The following NELL1 variants were observed in gnomAD, a reference collection of about 807,000 sequenced individuals.
The protein encoded by NELL1 is protein kinase C-binding protein NELL1.
A neutral mutation model predicts 107.4 loss-of-function variants in NELL1; 76 were observed. That is an observed-to-expected ratio of 0.71 (90% CI 0.59 to 0.86). NELL1 has a LOEUF of 0.86. Ranked by LOEUF, NELL1 falls within the 40% of genes least tolerant of loss-of-function variation. NELL1 has a pLI of 0.00. For synonymous variants in NELL1, 353 were observed against 341.2 expected (o/e 1.03, Z -0.38); for missense variants, 1,024 against 1,005.5 (o/e 1.02, Z -0.25).
chr11:21,419,566 G>T (rs970224547), intron 15 of NELL1, among the ~76,000 whole-genome samples: 3 of 152,086 alleles, frequency 2.0e-5, no homozygotes, highest in Non-Finnish European at 4.4e-5. Context: ...TGAGGAACAT[G>T]ACACTCTTCT....
chr11:21,278,011 C>A (rs1184379711), intron 14 of NELL1, among the ~76,000 whole-genome samples: 1 of 151,668 alleles, frequency 6.6e-6, no homozygotes, highest in Non-Finnish European at 1.5e-5. Context: ...AACTAACCTG[C>A]ACGTTGTGCA....
At chr11:21,277,792 T>G (rs905870259) in intron 14 of NELL1, among the ~76,000 whole-genome samples, 8 of 152,070 alleles carry the variant, frequency 5.3e-5, no homozygotes, top group African/African-American at 1.9e-4. Context: ...AGCAAACTGT[T>G]GCAAGGACAA....
At chr11:21,019,175 A>G (rs1043394825) in intron 12 of NELL1, among the ~76,000 whole-genome samples, 1 of 152,068 alleles carries the variant, frequency 6.6e-6, no homozygotes, top group Admixed American at 6.6e-5. Context: ...TTTAAATGGA[A>G]ATGATTATAA....
chr11:21,573,105 T>C (rs1334160801), intron 18 of NELL1, 80 bp from the exon 19 acceptor site: 4 of 1,054,386 alleles, frequency 3.8e-6, no homozygotes, highest in Non-Finnish European at 5.8e-6. Context: ...ATTACTGTGC[T>C]CTCTTTCCCC....
chr11:20,677,076 C>T lies in NELL1; in HGVS notation c.56-856C>T, dbSNP rs959913718. On this transcript the variant is annotated intron_variant, in intron 1 of 19. Transcript: ENST00000357134. ...CTCAAACAAGGGAAGAGGAGGCTCA[C>T]GGCTGTATTTCTCTGCATTAAGGTT... Among the ~76,000 whole-genome samples, 8 of 152,150 alleles carry T rather than the reference C, an allele frequency of 5.3e-5. No homozygotes were observed. The East Asian group carries it at 7.7e-4, about 15-fold the overall frequency.
chr11:21,508,412 A>G (rs935758703), intron 15 of NELL1, among the ~76,000 whole-genome samples: 4 of 152,310 alleles, frequency 2.6e-5, no homozygotes, highest in East Asian at 1.9e-4. Flanking sequence ...TGATGCGCAG[A>G]TAAGTATGAG....
chr11:20,762,245 G>A (rs182807106), intron 2 of NELL1, among the ~76,000 whole-genome samples: 3 of 152,152 alleles, frequency 2.0e-5, no homozygotes, highest in African/African-American at 7.2e-5. Flanking sequence ...GGGATTGTGG[G>A]GTATTGCGAG....
intron 13 of NELL1, among the ~76,000 whole-genome samples, chr11:21,184,429 C>T (rs970809318): frequency 1.4e-4 from 21 of 151,744 alleles, no homozygotes; most frequent in African/African-American, 4.9e-4. Flanking sequence ...CCCACCATGA[C>T]CGGCTAAATT....
intron 12 of NELL1, among the ~76,000 whole-genome samples, chr11:20,995,514 G>A (rs1159356127): frequency 6.6e-6 from 1 of 152,034 alleles, no homozygotes; most frequent in Non-Finnish European, 1.5e-5. Context: ...GGAAGCGGAG[G>A]TTACAGTGAG....
intron 15 of NELL1, among the ~76,000 whole-genome samples, chr11:21,511,309 G>T (rs1303259370): frequency 6.6e-6 from 1 of 151,826 alleles, no homozygotes; most frequent in Non-Finnish European, 1.5e-5. Flanking sequence ...TTTCTTATTT[G>T]TACTTTTCCT....
chr11:21,129,749 C>T (rs1318769955), intron 13 of NELL1, among the ~76,000 whole-genome samples: 1 of 152,074 alleles, frequency 6.6e-6, no homozygotes, highest in African/African-American at 2.4e-5. Flanking sequence ...TTGCCACAGG[C>T]TGGAGCAATG....
chr11:21,113,770 C>G, intron 13 of NELL1, 56 bp downstream of exon 13: 1 of 1,572,044 alleles, frequency 6.4e-7, no homozygotes, highest in Middle Eastern at 1.7e-4. Flanking sequence ...TGCACCATGT[C>G]TGTGTTATTA....
chr11:20,859,991 T>C (rs989257432), intron 4 of NELL1, among the ~76,000 whole-genome samples: 1 of 152,216 alleles, frequency 6.6e-6, no homozygotes, highest in Admixed American at 6.5e-5. Context: ...CAATCCTTAA[T>C]ATAGCTTACA....
At chr11:21,242,324 C>T (rs973635096) in intron 14 of NELL1, among the ~76,000 whole-genome samples, 8 of 152,120 alleles carry the variant, frequency 5.3e-5, no homozygotes, top group East Asian at 1.9e-4. Context: ...CTTACCACTC[C>T]GTCAGAAGAT....
chr11:21,349,492 T>C (rs1247498809), intron 14 of NELL1, among the ~76,000 whole-genome samples: 1 of 152,150 alleles, frequency 6.6e-6, no homozygotes, highest in African/African-American at 2.4e-5. Flanking sequence ...CATGGTGTTA[T>C]GGTTATTGGT....
chr11:20,908,688 A>G (rs1052432722), intron 5 of NELL1, among the ~76,000 whole-genome samples: 1 of 152,226 alleles, frequency 6.6e-6, no homozygotes, highest in Non-Finnish European at 1.5e-5. Context: ...AAATTTAAAA[A>G]TAAAATTTAA....
intron 14 of NELL1, among the ~76,000 whole-genome samples, chr11:21,280,330 C>A (rs1848964867): frequency 1.3e-5 from 2 of 152,128 alleles, no homozygotes; most frequent in African/African-American, 4.8e-5. Flanking sequence ...AACAATTTAA[C>A]AATTATCTGT....
chr11:21,389,131 G>T (rs915289136), intron 15 of NELL1, among the ~76,000 whole-genome samples: 1 of 151,706 alleles, frequency 6.6e-6, no homozygotes, highest in Non-Finnish European at 1.5e-5. Flanking sequence ...AGATGGGTCT[G>T]TGCCAGCCAC....
intron 6 of NELL1, 77 bp downstream of exon 6, chr11:20,918,331 G>A (rs1179546239): frequency 1.1e-6 from 1 of 883,494 alleles, no homozygotes; most frequent in East Asian, 2.5e-5. Flanking sequence ...TGGAAAGATA[G>A]ACCCAAATTG....
Sources: allele counts gnomAD v4.1 joint callset (sites outside exome capture counted in the v4.1 genomes callset), GRCh38; gene constraint gnomAD v4.1.1; transcripts MANE v1.5; gene names NCBI Gene and HGNC (gene_info 2026-07-23, HGNC 2026-07-21).